Variants in ZNF391 observed in about 807,000 individuals in gnomAD.
ZNF391 encodes zinc finger protein 391.
For missense variants in ZNF391, 375 were observed against 425.5 expected (o/e 0.88, Z 1.04); for synonymous variants, 126 against 142.1 (o/e 0.89, Z 0.80).
chr6:27,401,630 T>G lies in ZNF391; in HGVS notation c.*183T>G. 2.3e-6 allele frequency: 1 copy of G among 434,438 alleles called. No individual in the cohort carries two copies. The highest frequency in any genetic ancestry group is 4.1e-6 in the Non-Finnish European group (1 of 246,398). 26.9% of individuals were successfully genotyped at this position (434,438 alleles called of 1,614,324 possible). On this transcript the variant is annotated 3_prime_UTR_variant, in exon 3 of 3. Transcript: ENST00000244576. ...TCCTTCTTTCGTCTCCCCTCCCTTC[T>G]TCCCTCCTTCCCTCCTTCCTACTTT...
intron 1 of ZNF391, among the ~76,000 whole-genome samples, chr6:27,378,166 A>G (rs868637398): frequency 7.9e-5 from 12 of 152,182 alleles, no homozygotes; most frequent in Non-Finnish European, 1.0e-4. Flanking sequence ...TTTAACGAAT[A>G]TATGTTCCTG....
intron 1 of ZNF391, among the ~76,000 whole-genome samples, chr6:27,381,469 C>T (rs1202445747): frequency 2.0e-5 from 3 of 152,260 alleles, no homozygotes; most frequent in South Asian, 2.1e-4. Context: ...CTGAGGGAGC[C>T]GGCTCCGGCC....
upstream of ZNF391, chr6:27,388,641 C>G (rs545354526): frequency 3.2e-6 from 1 of 313,908 alleles, no homozygotes; most frequent in East Asian, 1.1e-4. Context: ...CTCTCGCATA[C>G]CAGGGGAGGG....
Position 27,401,291 on chromosome 6 carries a change from T to C in ZNF391, c.921T>C (p.Cys307=). The C allele has an allele frequency of 6.2e-7, 1 of 1,614,074 alleles. No homozygotes were observed. The highest frequency in any genetic ancestry group is 8.5e-7 in the Non-Finnish European group (1 of 1,180,010). Reference sequence around the variant, plus strand: ...ACAGTGGAGAAAAGCCTCACGAGTGTAGAGTGTGTGGAAAGGGCTTCAGTC... The same window carrying C: ...ACAGTGGAGAAAAGCCTCACGAGTGCAGAGTGTGTGGAAAGGGCTTCAGTC... The part of the protein sequence containing the change: ...RIHSGEKPHE[C]RVCGKGFSRS... The change falls in exon 3 of 3, where the codon TGT becomes TGC. Residue 307 remains cysteine, a synonymous_variant. Transcript: ENST00000244576.
At position 27,400,586 on chromosome 6, in the gene ZNF391, C is replaced by G. The variant is rs61740694; in HGVS notation, c.216C>G (p.Asp72Glu). ...SSEFSLSPNL[D>E]AQQKIPKGHG... is the part of the protein sequence containing the mutation. ...AATTTAGTCTAAGCCCAAACCTTGA[C>G]GCACAACAGAAAATTCCAAAGGGAC... Residue 72 changes from aspartate (D) to glutamate (E), a missense_variant, in exon 3 of 3, where the codon GAC becomes GAG. By Grantham distance (45) the Asp-to-Glu change is conservative. Transcript: ENST00000244576. 25 of 1,614,174 alleles carry G rather than the reference C, an allele frequency of 1.5e-5. No individual in the cohort carries two copies. In the South Asian group the frequency reaches 2.6e-4, roughly 17 times the overall value.
rs766297550 is a variant in ZNF391, at chr6:27,388,827, A to G, written c.-436A>G. 4.8e-5 allele frequency: 21 copies of G among 436,384 alleles called. 1 individual carries two copies. The highest frequency in any genetic ancestry group is 3.4e-4 in the South Asian group (21 of 61,022). 27.0% of individuals were successfully genotyped at this position (436,384 alleles called of 1,614,324 possible). A position where few individuals can be genotyped will look rare whatever the true frequency, so the allele number is the denominator to read the frequency against. ...TTAGGTCCAGGCGACTGCCCAGACAATGACTGGTCCCGCATACCGAGCAGA... is the reference window on the plus strand; with the variant it reads ...TTAGGTCCAGGCGACTGCCCAGACAGTGACTGGTCCCGCATACCGAGCAGA... On this transcript the variant is annotated 5_prime_UTR_variant, in exon 1 of 3. The change abolishes an upstream ATG in the 5' untranslated region. Coordinates refer to ENST00000244576, the MANE Select transcript of ZNF391 (RefSeq NM_001076781.3).
chr6:27,383,635 C>G (rs1761541021), intron 1 of ZNF391, among the ~76,000 whole-genome samples: 1 of 152,150 alleles, frequency 6.6e-6, no homozygotes, highest in Admixed American at 6.5e-5. Context: ...TAAGCTCTCT[C>G]ATGACTCTTA....
rs150008695 is a variant in ZNF391, at chr6:27,381,252, C to T, written n.523+6115C>T. 9.1e-3 allele frequency among the ~76,000 whole-genome samples: 1,387 copies of T among 152,342 alleles called. 12 individuals are homozygous for T. The highest frequency in any genetic ancestry group is 0.019 in the African/African-American group (782 of 41,586). On this transcript the variant is annotated intron_variant and non_coding_transcript_variant, in intron 1 of 2. Transcript: ENST00000477999. ...AGGCCCGGCGAGAAATCGAGCGCAG[C>T]GCCGGTGGGCTAGCACTGCTGGGGG...
chr6:27,380,037 A>T (rs542221287), intron 1 of ZNF391, among the ~76,000 whole-genome samples: 2 of 152,320 alleles, frequency 1.3e-5, no homozygotes, highest in South Asian at 4.1e-4. Flanking sequence ...CCCTTCCCCT[A>T]TACCTTGATA....
At position 27,401,164 on chromosome 6, in the gene ZNF391, C is replaced by G; in HGVS notation, c.794C>G (p.Thr265Ser). The G allele has an allele frequency of 6.2e-7, 1 of 1,614,180 alleles. No individual in the cohort carries two copies. Among genetic ancestry groups the G allele is most frequent in the Non-Finnish European group, 8.5e-7 (1 of 1,180,008 alleles). ...GKAFSWISSL[T>S]EHQRTHTGEN... ...GCTTTCAGTTGGATCTCATCGCTTA[C>G]TGAACATCAGAGAACACACACTGGG... is the stretch of plus-strand genomic sequence containing the variant. Residue 265 changes from threonine (T) to serine (S), a missense_variant, in exon 3 of 3, where the codon ACT (threonine) becomes AGT (serine). Transcript: ENST00000244576.
Position 27,389,020 on chromosome 6 carries a change from G to C in ZNF391, c.-243G>C, listed in dbSNP as rs951629968. On this transcript the variant is annotated 5_prime_UTR_variant, in exon 1 of 3. Coordinates refer to ENST00000244576, the MANE Select transcript of ZNF391 (RefSeq NM_001076781.3). ...TGCGGGACCCGCCCGGGGTGTGTCG[G>C]GGGTACTCGGCCGGAGGCGGCCGGT... 20 of 456,208 alleles carry C rather than the reference G, an allele frequency of 4.4e-5. No homozygotes were observed. Among genetic ancestry groups the C allele is most frequent in the Admixed American group, 3.8e-4 (16 of 42,438 alleles). The allele number at this position is 456,208 out of a possible 1,614,324, so 28.3% of individuals were successfully genotyped here.
rs1761629489 is a variant in ZNF391, at chr6:27,388,813, C to T, written c.-450C>T. On this transcript the variant is annotated 5_prime_UTR_variant, in exon 1 of 3. Coordinates refer to ENST00000244576, the MANE Select transcript of ZNF391 (RefSeq NM_001076781.3). Reference sequence around the variant, plus strand: ...CCGCGTCAGGAGACTTAGGTCCAGGCGACTGCCCAGACAATGACTGGTCCC... The same window carrying T: ...CCGCGTCAGGAGACTTAGGTCCAGGTGACTGCCCAGACAATGACTGGTCCC... The T allele has an allele frequency of 1.4e-5, 6 of 428,986 alleles. No homozygotes were observed. Among genetic ancestry groups the T allele is most frequent in the Non-Finnish European group, 2.7e-5 (6 of 219,426 alleles). The allele number at this position is 428,986 out of a possible 1,614,324, so 26.6% of individuals were successfully genotyped here.
upstream of ZNF391, among the ~76,000 whole-genome samples, chr6:27,385,188 T>G (rs576206762): frequency 6.9e-6 from 1 of 145,094 alleles, no homozygotes; most frequent in East Asian, 2.0e-4. Context: ...AAAAGAAAAA[T>G]AAAATCATAT....
At chr6:27,384,641 A>G (rs997287699), upstream of ZNF391, among the ~76,000 whole-genome samples, 2 of 152,204 alleles carry the variant, frequency 1.3e-5, no homozygotes, top group African/African-American at 4.8e-5. Flanking sequence ...TCAATTACAT[A>G]TACACACACT....
rs1394661059 is a variant in ZNF391, at chr6:27,376,893, T to C, written n.523+1756T>C. On this transcript the variant is annotated intron_variant and non_coding_transcript_variant, in intron 1 of 2. Coordinates refer to the ZNF391 transcript ENST00000477999. The surrounding 1 kb of genome is among the most constrained non-coding windows in gnomAD (Gnocchi z 4.7). ...ATAATAAAATACGTACACATTCTTG[T>C]GAAGTTTGTAAAACTAGGTATTTGG... Among the ~76,000 whole-genome samples, 1 of 152,148 alleles carries C rather than the reference T, an allele frequency of 6.6e-6. No homozygotes were observed. Among genetic ancestry groups the C allele is most frequent in the Non-Finnish European group, 1.5e-5 (1 of 68,026 alleles).
intron 1 of ZNF391, among the ~76,000 whole-genome samples, chr6:27,397,255 A>C (rs931081429): frequency 2.0e-5 from 3 of 152,182 alleles, no homozygotes; most frequent in Non-Finnish European, 4.4e-5. Context: ...ACATGGTAAG[A>C]GCAGGGGCAA....
chr6:27,385,289 G>A (rs780630624), upstream of ZNF391, among the ~76,000 whole-genome samples: 5 of 152,118 alleles, frequency 3.3e-5, no homozygotes, highest in Admixed American at 2.0e-4. Context: ...ACAGTTAAGC[G>A]TAGTAGATAT....
chr6:27,383,476 T>A (rs1027148434), intron 1 of ZNF391, among the ~76,000 whole-genome samples: 1 of 152,118 alleles, frequency 6.6e-6, no homozygotes, highest in Admixed American at 6.5e-5. Flanking sequence ...GGTGCCTTAT[T>A]AACAAAAGAA....
rs1260388616 is a variant in ZNF391, at chr6:27,402,572, T to G, written c.*1125T>G. The G allele has an allele frequency of 6.6e-6, 1 of 152,190 alleles. No homozygotes were observed. The highest frequency in any genetic ancestry group is 2.4e-5 in the African/African-American group (1 of 41,446). The allele number at this position is 152,190 out of a possible 1,614,324, so 9.4% of individuals were successfully genotyped here. ...AAAACTTGAGGTAGTGCAACTAGAT[T>G]ATACACTTCTTGAAGACAGAAATCT... On this transcript the variant is annotated 3_prime_UTR_variant, in exon 3 of 3. Coordinates refer to ENST00000244576, the MANE Select transcript of ZNF391 (RefSeq NM_001076781.3).
Sources: gnomAD v4.1 joint callset for allele counts (sites outside exome capture counted in the v4.1 genomes callset) on GRCh38, gnomAD v4.1.1 for gene constraint, Gnocchi (gnomAD v3.1) non-coding constraint, MANE v1.5 for transcripts, NCBI Gene and HGNC (gene_info 2026-07-23, HGNC 2026-07-21) for gene names.